MCPH1: variants seen among roughly 807,000 people sequenced by gnomAD.
The protein encoded by MCPH1 is microcephalin.
Under a neutral mutation model 84.5 loss-of-function variants are expected in MCPH1, and 104 were observed. That is an observed-to-expected ratio of 1.23 (90% CI 1.05 to 1.45). The LOEUF is 1.45. Among genes scored for constraint, MCPH1 ranks in the 40% most tolerant of loss-of-function variants. The probability of loss-of-function intolerance (pLI) is 0.00; values close to 1 mark genes in which losing one functional copy is unlikely to be tolerated. For missense variants in MCPH1, 1,498 were observed against 1,005.7 expected (o/e 1.49, Z -6.62); for synonymous variants, 514 against 366.8 (o/e 1.40, Z -4.58).
intron 12 of MCPH1, among the ~76,000 whole-genome samples, chr8:6,526,375 A>C (rs528917574): frequency 6.6e-6 from 1 of 151,774 alleles, no homozygotes; most frequent in African/African-American, 2.4e-5. Context: ...TTGAGGATGC[A>C]GTAAGCTGAG....
intron 12 of MCPH1, among the ~76,000 whole-genome samples, chr8:6,602,203 C>T (rs780408685): frequency 6.6e-6 from 1 of 152,168 alleles, no homozygotes; most frequent in Admixed American, 6.5e-5. Context: ...TGCTCGCTAG[C>T]GAGGAGGGAG....
At chr8:6,448,354 G>A (rs1302225388) in intron 8 of MCPH1, among the ~76,000 whole-genome samples, 1 of 152,178 alleles carries the variant, frequency 6.6e-6, no homozygotes, top group Non-Finnish European at 1.5e-5. Flanking sequence ...ACAACGGGGA[G>A]GCCAGTACAG....
intron 9 of MCPH1, among the ~76,000 whole-genome samples, chr8:6,464,014 A>G (rs1465574619): frequency 6.6e-6 from 1 of 152,226 alleles, no homozygotes; most frequent in Admixed American, 6.5e-5. Context: ...CAGCACGGGT[A>G]TGTTGTTATC....
rs76678859 is a variant in MCPH1, at chr8:6,545,018, C to T, written c.2214+45089C>T. ...TCTGCAGTTCCATTTTAACAAATAA[C>T]ATAATAGATCGCTGTCAAATGAATG... On this transcript the variant is annotated intron_variant, in intron 12 of 13. Coordinates refer to ENST00000344683, the MANE Select transcript of MCPH1 (RefSeq NM_024596.5). Among the ~76,000 whole-genome samples, 80 of 152,188 alleles carry T rather than the reference C, an allele frequency of 5.3e-4. 4 individuals are homozygous for T. In the East Asian group the frequency reaches 0.015, roughly 29 times the overall value.
At chr8:6,509,954 C>G (rs1225695254) in intron 12 of MCPH1, among the ~76,000 whole-genome samples, 5 of 152,168 alleles carry the variant, frequency 3.3e-5, no homozygotes, top group African/African-American at 1.2e-4. Flanking sequence ...CCACATATCA[C>G]TAGCCAGGGA....
chr8:6,457,394 G>A (rs1805808016), intron 9 of MCPH1, among the ~76,000 whole-genome samples: 2 of 151,732 alleles, frequency 1.3e-5, no homozygotes, highest in African/African-American at 4.9e-5. Flanking sequence ...AGACCAGCCT[G>A]GCCAACATGG....
intron 3 of MCPH1, among the ~76,000 whole-genome samples, chr8:6,423,426 A>C (rs902266570): frequency 6.6e-6 from 1 of 151,946 alleles, no homozygotes; most frequent in African/African-American, 2.4e-5. Context: ...CGGCCTCCCA[A>C]AGTGCTGGGA....
At chr8:6,631,451 A>T (rs1035357688) in intron 13 of MCPH1, among the ~76,000 whole-genome samples, 2 of 144,358 alleles carry the variant, frequency 1.4e-5, no homozygotes, top group African/African-American at 5.3e-5. Context: ...TATATAAAGA[A>T]CTCCTGCAAC....
intron 12 of MCPH1, among the ~76,000 whole-genome samples, chr8:6,515,031 T>A (rs954106252): frequency 6.6e-6 from 1 of 152,202 alleles, no homozygotes; most frequent in Non-Finnish European, 1.5e-5. Flanking sequence ...ATGACTCACT[T>A]GTCATCATCT....
At chr8:6,440,361 T>C (rs1169358302) in intron 6 of MCPH1, among the ~76,000 whole-genome samples, 1 of 152,162 alleles carries the variant, frequency 6.6e-6, no homozygotes, top group Non-Finnish European at 1.5e-5. Flanking sequence ...TCTGAGTACT[T>C]CGTGTATTTC....
intron 13 of MCPH1, among the ~76,000 whole-genome samples, chr8:6,640,539 G>A (rs1013565166): frequency 4.6e-5 from 7 of 151,954 alleles, no homozygotes; most frequent in Admixed American, 3.9e-4. Context: ...TTTGAAATTG[G>A]GTTATTTATA....
At chr8:6,530,467 C>T (rs1819268061) in intron 12 of MCPH1, among the ~76,000 whole-genome samples, 2 of 146,250 alleles carry the variant, frequency 1.4e-5, no homozygotes, top group Non-Finnish European at 3.0e-5. Flanking sequence ...CGAGATCACA[C>T]CACTGCACTC....
intron 13 of MCPH1, among the ~76,000 whole-genome samples, chr8:6,629,886 C>T (rs1797026244): frequency 6.6e-6 from 1 of 152,166 alleles, no homozygotes; most frequent in South Asian, 2.1e-4. Flanking sequence ...TGGTAAGAAG[C>T]AGGATCTTAG....
At chr8:6,417,412 TAA>T (rs1799473953) in intron 3 of MCPH1, among the ~76,000 whole-genome samples, 1 of 150,270 alleles carries the variant, frequency 6.7e-6, no homozygotes, top group Non-Finnish European at 1.5e-5. Context: ...ACTTTACTTA[TAA>T]GTCTGGCAGG....
At chr8:6,434,583 A>G (rs1222142250) in intron 4 of MCPH1, among the ~76,000 whole-genome samples, 1 of 152,256 alleles carries the variant, frequency 6.6e-6, no homozygotes, top group African/African-American at 2.4e-5. Flanking sequence ...TACAAGCTCC[A>G]TGATGACAAG....
intron 13 of MCPH1, among the ~76,000 whole-genome samples, chr8:6,640,469 T>A (rs975463785): frequency 1.7e-4 from 26 of 152,326 alleles, no homozygotes; most frequent in Admixed American, 2.0e-4. Context: ...TGAATGAGTC[T>A]GAATATCTTA....
At chr8:6,623,022 T>TC (rs1282992615) in intron 13 of MCPH1, among the ~76,000 whole-genome samples, 1 of 146,826 alleles carries the variant, frequency 6.8e-6, no homozygotes, top group Non-Finnish European at 1.5e-5. Flanking sequence ...TCTTTTTTTT[T>TC]TTTTTTTTTT....
chr8:6,520,039 C>G (rs776386762), intron 12 of MCPH1: 9 of 1,598,644 alleles, frequency 5.6e-6, no homozygotes, highest in Non-Finnish European at 6.0e-6. Flanking sequence ...CATGAAAAGA[C>G]AAAGACTTGT....
chr8:6,608,684 G>A (rs1405803235), intron 12 of MCPH1, among the ~76,000 whole-genome samples: 1 of 152,110 alleles, frequency 6.6e-6, no homozygotes, highest in Non-Finnish European at 1.5e-5. Context: ...GCCAAACCTC[G>A]TATACTTCAA....
Sources: gnomAD v4.1 joint callset for allele counts (sites outside exome capture counted in the v4.1 genomes callset) on GRCh38, gnomAD v4.1.1 for gene constraint, MANE v1.5 for transcripts, NCBI Gene and HGNC (gene_info 2026-07-23, HGNC 2026-07-21) for gene names.